GALNT12: variants seen among roughly 807,000 people sequenced by gnomAD.
GALNT12 encodes the protein polypeptide N-acetylgalactosaminyltransferase 12.
In GALNT12, 45 loss-of-function variants were observed where a neutral mutation model predicts 55.5. The ratio of observed to expected loss-of-function variants is 0.81; its 90% CI spans 0.64 to 1.04. The LOEUF is 1.04. GALNT12 is among the 50% of genes least tolerant of loss of function. GALNT12 has a pLI of 0.00. For synonymous variants in GALNT12, 304 were observed against 312.2 expected, an observed-to-expected ratio of 0.97 and a Z score of 0.28; for missense variants, 709 against 754.8, an observed-to-expected ratio of 0.94 and a Z score of 0.71.
intron 4 of GALNT12, among the ~76,000 whole-genome samples, chr9:98,834,518 T>C (rs1564257432): frequency 6.6e-6 from 1 of 152,234 alleles, no homozygotes; most frequent in Non-Finnish European, 1.5e-5. Flanking sequence ...GTGGGCCGTT[T>C]CTGGTTAGTG....
intron 3 of GALNT12, among the ~76,000 whole-genome samples, chr9:98,829,448 C>G (rs973402447): frequency 5.9e-5 from 9 of 152,204 alleles, no homozygotes; most frequent in African/African-American, 1.7e-4. Flanking sequence ...CTCAGCCTTC[C>G]AAAGTGCTGG....
At chr9:98,817,016 C>T (rs1026413638) in intron 1 of GALNT12, among the ~76,000 whole-genome samples, 26 of 151,944 alleles carry the variant, frequency 1.7e-4, no homozygotes, top group Admixed American at 1.3e-3. Flanking sequence ...TTAGTAGAGA[C>T]GGGGTTTCAC....
intron 1 of GALNT12, among the ~76,000 whole-genome samples, chr9:98,813,853 A>G (rs1835552347): frequency 1.3e-5 from 2 of 152,124 alleles, no homozygotes; most frequent in African/African-American, 4.8e-5. Context: ...TGTATATACC[A>G]GGAGTGTTTC....
intron 1 of GALNT12, among the ~76,000 whole-genome samples, chr9:98,815,775 G>A (rs897973060): frequency 1.3e-5 from 2 of 152,202 alleles, no homozygotes; most frequent in Admixed American, 6.5e-5. Context: ...ACTTCTTAGA[G>A]ATCACCATTG....
intron 6 of GALNT12, among the ~76,000 whole-genome samples, chr9:98,838,034 G>A (rs1389043472): frequency 6.6e-6 from 1 of 152,174 alleles, no homozygotes; most frequent in East Asian, 1.9e-4. Flanking sequence ...CCTCTTTGTA[G>A]CCAGTAGGGT....
Position 98,849,608 on chromosome 9 carries a change from G to T in GALNT12, c.*516G>T. On this transcript the variant is annotated 3_prime_UTR_variant, in exon 10 of 10. Transcript: ENST00000375011. ...AGGAACATTGTATTGATTTATTCAG[G>T]TCATTGAGATCTTCTAGATGTATTT... 1 of 416,678 alleles carries T rather than the reference G, an allele frequency of 2.4e-6. No homozygotes were observed. The highest frequency in any genetic ancestry group is 9.6e-5 in the South Asian group (1 of 10,388). 25.8% of individuals were successfully genotyped at this position (416,678 alleles called of 1,614,324 possible).
At chr9:98,822,787 C>G (rs1259272017) in intron 1 of GALNT12, among the ~76,000 whole-genome samples, 2 of 152,080 alleles carry the variant, frequency 1.3e-5, no homozygotes, top group Non-Finnish European at 2.9e-5. Context: ...GAGGAGACAG[C>G]AACTGCCCAA....
At chr9:98,812,570 C>T (rs545642626) in intron 1 of GALNT12, among the ~76,000 whole-genome samples, 46 of 152,212 alleles carry the variant, frequency 3.0e-4, no homozygotes, top group African/African-American at 8.9e-4. Context: ...CCAGCCTGGG[C>T]GACAGAACAA....
chr9:98,809,865 G>A (rs144201816), intron 1 of GALNT12, among the ~76,000 whole-genome samples: 58 of 152,286 alleles, frequency 3.8e-4, no homozygotes, highest in African/African-American at 5.3e-4. Context: ...CCATGGTGAC[G>A]CAGCTGCCCT....
At position 98,847,811 on chromosome 9, in the gene GALNT12, CTTTTTTT is replaced by C. The variant is rs754967420; in HGVS notation, c.1606-1125_1606-1119del. Among the ~76,000 whole-genome samples the C allele has an allele frequency of 4.9e-5, 6 of 123,062 alleles. No individual in the cohort carries two copies. The East Asian group carries it at 7.0e-4, about 14-fold the overall frequency. The allele number at this position is 123,062 out of a possible 152,430, so 80.7% of individuals were successfully genotyped here. A position where few individuals can be genotyped will look rare whatever the true frequency, so the allele number is the denominator to read the frequency against. On this transcript the variant is annotated intron_variant, in intron 9 of 9. Transcript: ENST00000375011. ...GAAAGCTTAGTTCTTAGGGCTGGAT[CTTTTTTT>C]TTTTTTTTTTTTTTTGAGACGGAGC...
At chr9:98,813,755 C>T (rs1223306744) in intron 1 of GALNT12, among the ~76,000 whole-genome samples, 1 of 151,984 alleles carries the variant, frequency 6.6e-6, no homozygotes, top group African/African-American at 2.4e-5. Context: ...CTACCTTGGC[C>T]TCTCAAAGTG....
At chr9:98,829,450 A>G (rs929543751) in intron 3 of GALNT12, among the ~76,000 whole-genome samples, 12 of 152,106 alleles carry the variant, frequency 7.9e-5, no homozygotes, top group African/African-American at 2.7e-4. Context: ...CAGCCTTCCA[A>G]AGTGCTGGGA....
intron 6 of GALNT12, among the ~76,000 whole-genome samples, chr9:98,838,326 T>G (rs1020824099): frequency 1.3e-5 from 2 of 152,118 alleles, no homozygotes; most frequent in African/African-American, 4.8e-5. Flanking sequence ...ATGTCTATCT[T>G]CCTCCCCACT....
chr9:98,811,807 C>T lies in GALNT12; in HGVS notation c.371+3738C>T, dbSNP rs139934045. ...AAGCCATTCTCCTGCCTCAGCCTCC[C>T]GAGTAGCTGGGATTATAGGCAAGCG... is the stretch of plus-strand genomic sequence containing the variant. On this transcript the variant is annotated intron_variant, in intron 1 of 9. Coordinates refer to ENST00000375011, the MANE Select transcript of GALNT12 (RefSeq NM_024642.5). 7.4e-3 allele frequency among the ~76,000 whole-genome samples: 1,128 copies of T among 151,894 alleles called. 10 individuals carry two copies. Among genetic ancestry groups the T allele is most frequent in the African/African-American group, 0.026 (1,075 of 41,382 alleles).
At chr9:98,841,090 T>C (rs1836276339) in intron 7 of GALNT12, among the ~76,000 whole-genome samples, 1 of 152,256 alleles carries the variant, frequency 6.6e-6, no homozygotes. Context: ...TTGCATGTGA[T>C]GGTTGTGTCT....
chr9:98,823,792 C>T (rs911179658), intron 2 of GALNT12, among the ~76,000 whole-genome samples: 1 of 152,168 alleles, frequency 6.6e-6, no homozygotes, highest in African/African-American at 2.4e-5. Context: ...CCAGGTCCCT[C>T]TGAGGAGCTC....
intron 1 of GALNT12, among the ~76,000 whole-genome samples, chr9:98,822,016 G>A (rs1222395933): frequency 6.6e-6 from 1 of 152,210 alleles, no homozygotes; most frequent in Non-Finnish European, 1.5e-5. Context: ...GTGACTGACT[G>A]ATAAAGGGCC....
rs754548761 is a variant in GALNT12, at chr9:98,849,138, G to A, written c.*46G>A. 6 of 1,608,154 alleles carry A rather than the reference G, an allele frequency of 3.7e-6. No individual in the cohort carries two copies. The South Asian group carries it at 5.5e-5, about 15-fold the overall frequency. ...CCATCGAAGGAGACTGTGGAGCCAG[G>A]ACTCTGCCCAACAAAGACTTAGCTA... On this transcript the variant is annotated 3_prime_UTR_variant, in exon 10 of 10. Coordinates refer to ENST00000375011, the MANE Select transcript of GALNT12 (RefSeq NM_024642.5).
chr9:98,835,520 T>C (rs1390610842), intron 5 of GALNT12, among the ~76,000 whole-genome samples, 154 bp downstream of exon 5: 1 of 152,168 alleles, frequency 6.6e-6, no homozygotes, highest in African/African-American at 2.4e-5. Context: ...TTTTAAAAAG[T>C]GTACTTTTTC....
Sources: gnomAD v4.1 joint callset for allele counts (sites outside exome capture counted in the v4.1 genomes callset) on GRCh38, gnomAD v4.1.1 for gene constraint, MANE v1.5 for transcripts, NCBI Gene and HGNC (gene_info 2026-07-23, HGNC 2026-07-21) for gene names.